The following TRAF3 variants were observed in gnomAD, a reference collection of about 807,000 sequenced individuals.
TRAF3 encodes the protein TNF receptor associated factor 3.
TRAF3 carries 13 observed loss-of-function variants against 62.3 expected under a neutral mutation model. The ratio of observed to expected loss-of-function variants is 0.21; its 90% CI spans 0.14 to 0.33. The LOEUF (loss-of-function observed/expected upper bound fraction) is 0.33, where lower values mean the gene tolerates loss of function less well. TRAF3 is among the 10% of genes least tolerant of loss of function. TRAF3 has a pLI of 1.00. For missense variants in TRAF3, 440 were observed against 741.8 expected (o/e 0.59, Z 4.73); for synonymous variants, 269 against 283.4 (o/e 0.95, Z 0.51).
At chr14:102,788,582 G>C (rs1463955518) in intron 1 of TRAF3, among the ~76,000 whole-genome samples, 1 of 152,046 alleles carries the variant, frequency 6.6e-6, no homozygotes, top group African/African-American at 2.4e-5. Context: ...GGCGGATCAT[G>C]AGGTCAAGAG....
intron 1 of TRAF3, among the ~76,000 whole-genome samples, chr14:102,795,155 G>A (rs1470448366): frequency 6.6e-6 from 1 of 152,216 alleles, no homozygotes; most frequent in African/African-American, 2.4e-5. Context: ...TTGACAGTGT[G>A]TGCAGAGGTG....
chr14:102,823,884 T>TCAGA (rs5811083), intron 1 of TRAF3, among the ~76,000 whole-genome samples: 1 of 151,454 alleles, frequency 6.6e-6, no homozygotes, highest in Admixed American at 6.6e-5. Flanking sequence ...CTGTGTGCAG[T>TCAGA]CTCTGTCACT....
At chr14:102,852,625 T>C (rs1179219374) in intron 2 of TRAF3, among the ~76,000 whole-genome samples, 1 of 152,224 alleles carries the variant, frequency 6.6e-6, no homozygotes. Flanking sequence ...GACATGAAAT[T>C]CTTTGGATCT....
chr14:102,809,946 A>C (rs28574889), intron 1 of TRAF3, among the ~76,000 whole-genome samples: 2,575 of 152,304 alleles, frequency 0.017, 61 homozygotes, highest in African/African-American at 0.059. Context: ...TACTCCATCC[A>C]TGCATTACCA....
intron 1 of TRAF3, among the ~76,000 whole-genome samples, chr14:102,808,613 G>T (rs1898919593): frequency 6.6e-6 from 1 of 152,110 alleles, no homozygotes; most frequent in East Asian, 1.9e-4. Flanking sequence ...TTATTTAAGA[G>T]GATTTGTTGG....
chr14:102,785,785 T>C (rs1046340406), intron 1 of TRAF3, among the ~76,000 whole-genome samples: 2 of 152,146 alleles, frequency 1.3e-5, no homozygotes, highest in African/African-American at 4.8e-5. Context: ...AGGGGCTTGT[T>C]TCATGGCCAT....
intron 6 of TRAF3, among the ~76,000 whole-genome samples, chr14:102,881,689 A>G (rs1246354338): frequency 1.3e-5 from 2 of 152,150 alleles, no homozygotes; most frequent in Admixed American, 6.5e-5. Flanking sequence ...CATGGCACAC[A>G]TTTACCTGTG....
At chr14:102,788,484 A>G (rs1022384634) in intron 1 of TRAF3, among the ~76,000 whole-genome samples, 5 of 152,028 alleles carry the variant, frequency 3.3e-5, no homozygotes, top group Admixed American at 3.3e-4. Flanking sequence ...CAACAGAGGA[A>G]GACTCCATCT....
chr14:102,837,703 A>G (rs1886113838), intron 2 of TRAF3, among the ~76,000 whole-genome samples: 2 of 152,118 alleles, frequency 1.3e-5, no homozygotes, highest in Admixed American at 6.5e-5. Context: ...CTTTATTGAT[A>G]TTTTGGAAAT....
chr14:102,796,762 G>A (rs1377972216), intron 1 of TRAF3, among the ~76,000 whole-genome samples: 5 of 152,158 alleles, frequency 3.3e-5, no homozygotes, highest in Non-Finnish European at 7.3e-5. Flanking sequence ...CAAGACCTCT[G>A]GTCTGCATGG....
chr14:102,833,168 A>T (rs1020487431), intron 2 of TRAF3, among the ~76,000 whole-genome samples: 16 of 152,254 alleles, frequency 1.1e-4, no homozygotes, highest in Non-Finnish European at 1.9e-4. Flanking sequence ...CAGCTCTGTG[A>T]AGGGGAGGCT....
chr14:102,850,647 G>A (rs986561574), intron 2 of TRAF3, among the ~76,000 whole-genome samples: 2 of 137,722 alleles, frequency 1.5e-5, no homozygotes, highest in African/African-American at 2.9e-5. Context: ...CCAAGATTGC[G>A]CCACTGCACT....
chr14:102,820,451 C>T (rs182499364), intron 1 of TRAF3, among the ~76,000 whole-genome samples: 1 of 150,980 alleles, frequency 6.6e-6, no homozygotes, highest in African/African-American at 2.4e-5. Flanking sequence ...ATTCAACATA[C>T]GTTTTTCTGA....
At chr14:102,841,995 A>C (rs1886398137) in intron 2 of TRAF3, among the ~76,000 whole-genome samples, 1 of 152,122 alleles carries the variant, frequency 6.6e-6, no homozygotes, top group Admixed American at 6.5e-5. Context: ...CTATAATCCC[A>C]ATTCTTTGGG....
Position 102,867,101 on chromosome 14 carries a change from T to A in TRAF3, c.-17-3084T>A, listed in dbSNP as rs76712360. 8.0e-3 allele frequency among the ~76,000 whole-genome samples: 1,214 copies of A among 152,292 alleles called. 17 individuals are homozygous for A. Among genetic ancestry groups the A allele is most frequent in the African/African-American group, 0.028 (1,168 of 41,554 alleles). ...AATTCTTGTGCTGCTAGTGGAAGTA[T>A]TTGTTGTTACCTCTGCTTTGGAGAG... On this transcript the variant is annotated intron_variant, in intron 2 of 11. Transcript: ENST00000392745.
At chr14:102,845,265 C>T (rs1886629695) in intron 2 of TRAF3, among the ~76,000 whole-genome samples, 1 of 151,550 alleles carries the variant, frequency 6.6e-6, no homozygotes, top group African/African-American at 2.4e-5. Context: ...TACAGTGGTG[C>T]AATCTTGGCT....
At chr14:102,787,110 A>G (rs548364852) in intron 1 of TRAF3, among the ~76,000 whole-genome samples, 1 of 152,290 alleles carries the variant, frequency 6.6e-6, no homozygotes, top group South Asian at 2.1e-4. Flanking sequence ...TGATAAAGGG[A>G]ATGACTTATT....
At chr14:102,827,639 G>A (rs1395378681) in intron 1 of TRAF3, among the ~76,000 whole-genome samples, 2 of 152,124 alleles carry the variant, frequency 1.3e-5, no homozygotes, top group Non-Finnish European at 2.9e-5. Flanking sequence ...TTTGGATTAG[G>A]GATGCTCCAT....
intron 6 of TRAF3, among the ~76,000 whole-genome samples, chr14:102,884,599 C>A (rs1889255886): frequency 6.6e-6 from 1 of 152,114 alleles, no homozygotes; most frequent in South Asian, 2.1e-4. Flanking sequence ...CATTTGAGGT[C>A]AGGAGTTCGA....
Sources: allele counts gnomAD v4.1 joint callset (sites outside exome capture counted in the v4.1 genomes callset), GRCh38; gene constraint gnomAD v4.1.1; transcripts MANE v1.5; gene names NCBI Gene and HGNC (gene_info 2026-07-23, HGNC 2026-07-21).